The following FNDC3B variants were observed in gnomAD, a reference collection of about 807,000 sequenced individuals.
FNDC3B encodes the protein fibronectin type III domain containing 3B.
A neutral mutation model predicts 151.5 loss-of-function variants in FNDC3B; 12 were observed. The observed-to-expected ratio is 0.08, with a 90% CI of 0.05 to 0.13. FNDC3B has a LOEUF of 0.13. Among genes scored for constraint, FNDC3B ranks in the 10% least tolerant of loss-of-function variants. The pLI, the probability that FNDC3B is intolerant of heterozygous loss-of-function variation, is 1.00. For synonymous variants in FNDC3B, 528 were observed against 549.0 expected (o/e 0.96, Z 0.54); for missense variants, 1,214 against 1,505.3 (o/e 0.81, Z 3.20).
chr3:172,150,532 T>C (rs1408818885), intron 3 of FNDC3B, among the ~76,000 whole-genome samples: 2 of 151,952 alleles, frequency 1.3e-5, no homozygotes, highest in Non-Finnish European at 2.9e-5. Flanking sequence ...TAGTTGTCCT[T>C]TTCCAGTTGG....
chr3:172,230,722 C>G (rs1256658684), intron 4 of FNDC3B, among the ~76,000 whole-genome samples: 1 of 152,130 alleles, frequency 6.6e-6, no homozygotes, highest in Non-Finnish European at 1.5e-5. Context: ...TGAAAAGATG[C>G]TCAATATCAT....
chr3:172,200,970 A>C (rs529107367), intron 3 of FNDC3B, among the ~76,000 whole-genome samples: 2 of 152,322 alleles, frequency 1.3e-5, no homozygotes, highest in East Asian at 3.9e-4. Context: ...TCTTTGTGGC[A>C]ATTGTTTTCA....
chr3:172,173,658 A>T (rs1005163958), intron 3 of FNDC3B, among the ~76,000 whole-genome samples: 5 of 151,734 alleles, frequency 3.3e-5, no homozygotes, highest in Non-Finnish European at 5.9e-5. Flanking sequence ...TAAAAAAATT[A>T]AAAATAAAAA....
intron 6 of FNDC3B, among the ~76,000 whole-genome samples, chr3:172,284,781 T>C (rs1313542662): frequency 6.7e-6 from 1 of 149,952 alleles, no homozygotes; most frequent in Non-Finnish European, 1.5e-5. Flanking sequence ...GGCACTGTAA[T>C]TGCCTATTTG....
chr3:172,140,842 C>T (rs1721591302), intron 3 of FNDC3B, among the ~76,000 whole-genome samples: 1 of 152,148 alleles, frequency 6.6e-6, no homozygotes, highest in Admixed American at 6.5e-5. Context: ...TCTCAGTTAT[C>T]TTGATTTTTA....
At chr3:172,226,980 T>C (rs375758000) in intron 4 of FNDC3B, 33 bp downstream of exon 4, 10 of 1,369,288 alleles carry the variant, frequency 7.3e-6, no homozygotes, top group African/African-American at 1.4e-5. Context: ...CTACTCACTA[T>C]GGACACTGTC....
chr3:172,263,476 G>C (rs938483425), intron 6 of FNDC3B, among the ~76,000 whole-genome samples: 8 of 151,472 alleles, frequency 5.3e-5, no homozygotes, highest in African/African-American at 1.7e-4. Flanking sequence ...TTGGAATGTT[G>C]CTCCAAGGAA....
At chr3:172,384,429 A>T (rs1287401865) in intron 25 of FNDC3B, among the ~76,000 whole-genome samples, 1 of 152,222 alleles carries the variant, frequency 6.6e-6, no homozygotes, top group Non-Finnish European at 1.5e-5. Flanking sequence ...TTCGGGTCTT[A>T]GCTCAAATAG....
intron 1 of FNDC3B, among the ~76,000 whole-genome samples, chr3:172,055,580 A>C (rs1576822458): frequency 6.6e-6 from 1 of 152,254 alleles, no homozygotes; most frequent in East Asian, 1.9e-4. Flanking sequence ...GAGGATTCAA[A>C]TAAATGTCTC....
chr3:172,352,105 TAA>T lies in FNDC3B; in HGVS notation c.2515-697_2515-696del, dbSNP rs1354083557. Among the ~76,000 whole-genome samples, 1 of 152,098 alleles carries T rather than the reference TAA, an allele frequency of 6.6e-6. No homozygotes were observed. Among genetic ancestry groups the T allele is most frequent in the Non-Finnish European group, 1.5e-5 (1 of 68,028 alleles). On this transcript the variant is annotated intron_variant, in intron 21 of 25. Coordinates refer to ENST00000415807, the MANE Select transcript of FNDC3B (RefSeq NM_022763.4). This position sits in a 1 kb window ranked among gnomAD's most constrained non-coding sequence, Gnocchi z 4.2. ...ACTGAGGGCTGATACTCACCAGCGT[TAA>T]GAGTTCAGGGGATGGTGGCAACCAG...
chr3:172,066,178 T>C (rs1368661241), intron 1 of FNDC3B, among the ~76,000 whole-genome samples: 2 of 152,200 alleles, frequency 1.3e-5, no homozygotes, highest in Non-Finnish European at 2.9e-5. Flanking sequence ...TGTTCTGTCT[T>C]CCCATGATTC....
chr3:172,345,232 C>T (rs1733543683), intron 19 of FNDC3B, among the ~76,000 whole-genome samples: 1 of 152,066 alleles, frequency 6.6e-6, no homozygotes, highest in Non-Finnish European at 1.5e-5. Flanking sequence ...TAAGTGAAAA[C>T]AAAAAAGTCT....
chr3:172,316,990 C>T (rs530922425), intron 11 of FNDC3B, among the ~76,000 whole-genome samples: 32 of 152,228 alleles, frequency 2.1e-4, no homozygotes, highest in African/African-American at 6.7e-4. Context: ...GGCAAGACAG[C>T]GCAAGCGTGA....
At chr3:172,186,598 A>C in intron 3 of FNDC3B, 1 of 630,210 alleles carries the variant, frequency 1.6e-6, no homozygotes, top group South Asian at 1.8e-5. Context: ...TTTTACTCTT[A>C]TTTTATAAAT....
intron 3 of FNDC3B, among the ~76,000 whole-genome samples, chr3:172,193,863 G>A (rs1004423620): frequency 6.6e-6 from 1 of 152,266 alleles, no homozygotes; most frequent in South Asian, 2.1e-4. Context: ...AAGGGTGAAT[G>A]GAAGAAAGGA....
At chr3:172,310,970 A>G in intron 11 of FNDC3B, 89 bp downstream of exon 11, 2 of 923,398 alleles carry the variant, frequency 2.2e-6, no homozygotes, top group South Asian at 2.7e-5. Flanking sequence ...TTTATAAGAC[A>G]TGCTAAACAC....
At position 172,279,016 on chromosome 3, in the gene FNDC3B, A is replaced by G. The variant is rs911502708; in HGVS notation, c.791-6910A>G. Reference sequence around the variant, plus strand: ...TTTACATTGTGAAATGAACACAAAGATTTTTCTTAGGGAATCTGACAGAAA... The same window carrying G: ...TTTACATTGTGAAATGAACACAAAGGTTTTTCTTAGGGAATCTGACAGAAA... On this transcript the variant is annotated intron_variant, in intron 6 of 25. Coordinates refer to ENST00000415807, the MANE Select transcript of FNDC3B (RefSeq NM_022763.4). 3.3e-5 allele frequency among the ~76,000 whole-genome samples: 5 copies of G among 152,246 alleles called. No homozygotes were observed. The South Asian group carries it at 1.0e-3, about 32-fold the overall frequency.
At chr3:172,310,729 C>G (rs1023778671) in intron 10 of FNDC3B, 99 bp from the exon 11 acceptor site, 3 of 873,460 alleles carry the variant, frequency 3.4e-6, no homozygotes, top group Non-Finnish European at 5.9e-6. Context: ...GAGGGGAGAG[C>G]ACAGGACTAT....
rs758288558 is a variant in FNDC3B at position 172,285,927 on chromosome 3, A to G, written c.792A>G (p.Glu264=). 6.2e-7 allele frequency: 1 copy of G among 1,612,590 alleles called. No homozygotes were observed. Among genetic ancestry groups the G allele is most frequent in the African/African-American group, 1.3e-5 (1 of 74,862 alleles). ...CCTTTTTTCTTTTTCGCAATGCAGA[A>G]TATGAGTTGGAAGTAAAGAGGGTGC... ...SPKSNDSDLQ[E]YELEVKRVQD... Residue 264 remains glutamate (E), a splice_region_variant and synonymous_variant, in exon 7 of 26, where the codon GAA becomes GAG. Coordinates refer to ENST00000415807, the MANE Select transcript of FNDC3B (RefSeq NM_022763.4).
Sources: gnomAD v4.1 joint callset for allele counts (sites outside exome capture counted in the v4.1 genomes callset) on GRCh38, gnomAD v4.1.1 for gene constraint, Gnocchi (gnomAD v3.1) non-coding constraint, MANE v1.5 for transcripts, NCBI Gene and HGNC (gene_info 2026-07-23, HGNC 2026-07-21) for gene names.